IFT74: variants seen among roughly 807,000 people sequenced by gnomAD.
The protein encoded by IFT74 is intraflagellar transport protein 74 homolog.
IFT74 carries 92 observed loss-of-function variants against 96.7 expected under a neutral mutation model. That is an observed-to-expected ratio of 0.95 (90% CI 0.80 to 1.13). IFT74 has a LOEUF of 1.13. Ranked by LOEUF, IFT74 falls within the 50% of genes most tolerant of loss-of-function variation. IFT74 has a pLI of 0.00. For synonymous variants in IFT74, 223 were observed against 213.2 expected (o/e 1.05, Z -0.40); for missense variants, 811 against 698.2 (o/e 1.16, Z -1.82).
At chr9:27,011,302 A>G (rs1829059758) in intron 9 of IFT74, among the ~76,000 whole-genome samples, 1 of 152,188 alleles carries the variant, frequency 6.6e-6, no homozygotes, top group South Asian at 2.1e-4. Flanking sequence ...GTACCAAAAT[A>G]TAGTTAATCT....
chr9:26,974,350 A>G (rs1827007294), intron 2 of IFT74, among the ~76,000 whole-genome samples: 1 of 152,116 alleles, frequency 6.6e-6, no homozygotes, highest in South Asian at 2.1e-4. Flanking sequence ...ATATCTAGTC[A>G]ATTCTTAGTG....
chr9:27,035,776 T>A (rs1693348895), intron 13 of IFT74, among the ~76,000 whole-genome samples: 1 of 152,224 alleles, frequency 6.6e-6, no homozygotes, highest in African/African-American at 2.4e-5. Flanking sequence ...TTATACAATA[T>A]GTAAAAATTA....
intron 2 of IFT74, among the ~76,000 whole-genome samples, chr9:26,965,609 G>A (rs1183624669): frequency 1.3e-5 from 2 of 151,906 alleles, no homozygotes; most frequent in African/African-American, 4.8e-5. Flanking sequence ...CCTACTATTT[G>A]CCAGGCACGT....
chr9:27,008,251 T>C (rs894832891), intron 8 of IFT74, among the ~76,000 whole-genome samples: 1 of 152,180 alleles, frequency 6.6e-6, no homozygotes. Context: ...CCTAGTTCTG[T>C]CAGAGCCACA....
At chr9:27,011,815 A>G in intron 9 of IFT74, 91 bp from the exon 10 acceptor site, 1 of 649,698 alleles carries the variant, frequency 1.5e-6, no homozygotes, top group South Asian at 3.4e-5. Flanking sequence ...AAACAGAGAA[A>G]TAAATTTTTT....
At chr9:27,060,676 G>C (rs974232033) in intron 19 of IFT74, 25 bp downstream of exon 19, 1 of 1,570,010 alleles carries the variant, frequency 6.4e-7, no homozygotes, top group Non-Finnish European at 8.7e-7. Context: ...GCTGAAAATG[G>C]GGCCGGGTGC....
At chr9:26,972,502 G>A (rs547963072) in intron 2 of IFT74, among the ~76,000 whole-genome samples, 25 of 152,252 alleles carry the variant, frequency 1.6e-4, no homozygotes, top group Admixed American at 1.2e-3. Flanking sequence ...TAACAAAAAC[G>A]TGAAATGGCT....
chr9:27,042,513 A>C (rs1446875215), intron 13 of IFT74, among the ~76,000 whole-genome samples: 1 of 152,204 alleles, frequency 6.6e-6, no homozygotes, highest in Non-Finnish European at 1.5e-5. Context: ...ATCATTAAGC[A>C]GTTGTATAAT....
intron 6 of IFT74, among the ~76,000 whole-genome samples, chr9:26,988,026 C>A (rs1056001496): frequency 1.4e-4 from 22 of 152,074 alleles, no homozygotes; most frequent in African/African-American, 5.3e-4. Flanking sequence ...CATCTCGGCT[C>A]ACCGCAACCT....
At chr9:26,979,669 A>G (rs1827272988) in intron 3 of IFT74, among the ~76,000 whole-genome samples, 1 of 144,050 alleles carries the variant, frequency 6.9e-6, no homozygotes, top group South Asian at 2.2e-4. Context: ...TTCATCTCTT[A>G]CAAGGTTTGA....
At chr9:27,061,772 A>G (rs1192857725) in intron 19 of IFT74, among the ~76,000 whole-genome samples, 4 of 151,760 alleles carry the variant, frequency 2.6e-5, no homozygotes, top group African/African-American at 9.7e-5. Context: ...AAAGGGAGGT[A>G]AACTAAGTAA....
At chr9:27,011,264 G>GA (rs1393207029) in intron 9 of IFT74, among the ~76,000 whole-genome samples, 2 of 152,062 alleles carry the variant, frequency 1.3e-5, no homozygotes, top group Admixed American at 6.6e-5. Flanking sequence ...AAAGAAAAAA[G>GA]AAAGAGTATG....
At chr9:27,028,390 T>G (rs1287797234) in intron 12 of IFT74, among the ~76,000 whole-genome samples, 1 of 152,150 alleles carries the variant, frequency 6.6e-6, no homozygotes, top group African/African-American at 2.4e-5. Flanking sequence ...AAAGGAAAGT[T>G]GGGAGGGGGT....
Position 26,990,193 on chromosome 9 carries a change from A to G in IFT74, c.585A>G (p.Gln195=). ...TGGATGTCATATTTACTGAAAGACA[A>G]GCGTAAGTATAGCTAATTTAAAAAT... ...QSLDVIFTER[Q]AKEKQIRSVE... Residue 195 remains glutamine, a splice_region_variant and synonymous_variant, in exon 8 of 20, where the codon CAA becomes CAG. Transcript: ENST00000380062. The G allele has an allele frequency of 1.4e-6, 2 of 1,436,048 alleles. No individual in the cohort carries two copies. The highest frequency in any genetic ancestry group is 1.8e-6 in the Non-Finnish European group (2 of 1,081,552). 89.0% of individuals were successfully genotyped at this position (1,436,048 alleles called of 1,614,324 possible).
At chr9:26,951,607 G>A (rs1333200863), upstream of IFT74, among the ~76,000 whole-genome samples, 3 of 152,164 alleles carry the variant, frequency 2.0e-5, no homozygotes, top group Admixed American at 6.5e-5. Context: ...CCCATAAAAT[G>A]TGAAATATGG....
intron 13 of IFT74, among the ~76,000 whole-genome samples, chr9:27,040,465 C>T (rs1414987960): frequency 1.4e-5 from 2 of 145,900 alleles, no homozygotes; most frequent in East Asian, 2.2e-4. Context: ...AGGAGAATCG[C>T]TTGAACCTGG....
chr9:27,024,336 C>T (rs1829753250), intron 12 of IFT74, among the ~76,000 whole-genome samples: 1 of 152,200 alleles, frequency 6.6e-6, no homozygotes, highest in Non-Finnish European at 1.5e-5. Flanking sequence ...GATCACTTCG[C>T]AGGACTCTTC....
intron 2 of IFT74, among the ~76,000 whole-genome samples, chr9:26,966,912 T>C (rs145873029): frequency 6.6e-6 from 1 of 152,174 alleles, no homozygotes; most frequent in Admixed American, 6.5e-5. Context: ...GTACCATTTA[T>C]TGAAGAAACT....
intron 12 of IFT74, among the ~76,000 whole-genome samples, chr9:27,027,169 C>G (rs1829905260): frequency 1.3e-5 from 2 of 151,920 alleles, no homozygotes; most frequent in African/African-American, 2.4e-5. Context: ...ATACAAAAGA[C>G]CAAGCTTACA....
Sources: gnomAD v4.1 joint callset for allele counts (sites outside exome capture counted in the v4.1 genomes callset) on GRCh38, gnomAD v4.1.1 for gene constraint, MANE v1.5 for transcripts, NCBI Gene and HGNC (gene_info 2026-07-23, HGNC 2026-07-21) for gene names.